Variants in KREMEN1 observed in about 807,000 individuals in gnomAD.
KREMEN1 encodes the protein kringle containing transmembrane protein 1, also known as kremen protein 1.
A neutral mutation model predicts 46.5 loss-of-function variants in KREMEN1; 30 were observed. The observed-to-expected ratio is 0.65, with a 90% confidence interval of 0.48 to 0.88. The LOEUF (loss-of-function observed/expected upper bound fraction) is 0.88, where lower values mean the gene tolerates loss of function less well. KREMEN1 is among the 40% of genes least tolerant of loss of function. The probability of loss-of-function intolerance (pLI) is 0.00; values close to 1 mark genes in which losing one functional copy is unlikely to be tolerated. For missense variants in KREMEN1, 533 were observed against 596.9 expected, an observed-to-expected ratio of 0.89 and a Z score of 1.11; for synonymous variants, 214 against 230.6, an observed-to-expected ratio of 0.93 and a Z score of 0.65.
At chr22:29,125,168 C>A in intron 4 of KREMEN1, 95 bp from the exon 5 acceptor site, 1 of 1,434,900 alleles carries the variant, frequency 7.0e-7, no homozygotes, top group Admixed American at 1.8e-5. Flanking sequence ...GAAGTTGAGG[C>A]TGATTGCTTG....
Position 29,138,696 on chromosome 22 carries a change from C to T in KREMEN1, c.1037C>T (p.Ala346Val), listed in dbSNP as rs559991004. 1 of 1,614,204 alleles carries T rather than the reference C, an allele frequency of 6.2e-7. No individual in the cohort carries two copies. The highest frequency in any genetic ancestry group is 2.2e-5 in the East Asian group (1 of 44,864). The stretch of plus-strand genomic sequence containing the variant: ...GTGGCCGAGGTGATCACGGAGCAGG[C>T]CAACCTCAGTGTCAGCGCTGCCCGG... ...QTVAEVITEQ[A>V]NLSVSAARSS... is the part of the protein sequence containing the mutation. Residue 346 changes from alanine to valine, a missense_variant, in exon 7 of 9, where the codon GCC becomes GTC. Coordinates refer to ENST00000400335, the MANE Select transcript of KREMEN1 (RefSeq NM_001039570.3).
At chr22:29,159,956 G>T (rs1383809854) in intron 9 of KREMEN1, among the ~76,000 whole-genome samples, 1 of 152,116 alleles carries the variant, frequency 6.6e-6, no homozygotes, top group Non-Finnish European at 1.5e-5. Context: ...AATAGTGGAG[G>T]ACTTCAACAC....
chr22:29,125,212 A>C, intron 4 of KREMEN1, 51 bp from the exon 5 acceptor site: 1 of 1,597,942 alleles, frequency 6.3e-7, no homozygotes, highest in Non-Finnish European at 8.6e-7. Flanking sequence ...CCTTCAGGCC[A>C]TCTGACATCC....
At chr22:29,132,585 A>T (rs1242457782) in intron 5 of KREMEN1, among the ~76,000 whole-genome samples, 1 of 152,202 alleles carries the variant, frequency 6.6e-6, no homozygotes, top group Non-Finnish European at 1.5e-5. Flanking sequence ...GTAGGTATGT[A>T]GTAGTATCTC....
chr22:29,112,954 A>G (rs2038175629), intron 3 of KREMEN1, among the ~76,000 whole-genome samples: 1 of 146,604 alleles, frequency 6.8e-6, no homozygotes, highest in Admixed American at 6.9e-5. Flanking sequence ...AGTCAGAGGC[A>G]GTGGCCCCCT....
chr22:29,165,983 C>A (rs1250139589), intron 9 of KREMEN1, among the ~76,000 whole-genome samples: 1 of 152,208 alleles, frequency 6.6e-6, no homozygotes, highest in African/African-American at 2.4e-5. Context: ...CAGAATGGGT[C>A]AGGTTCCAGG....
intron 5 of KREMEN1, among the ~76,000 whole-genome samples, chr22:29,128,652 A>G (rs1021647412): frequency 6.6e-6 from 1 of 152,234 alleles, no homozygotes; most frequent in Non-Finnish European, 1.5e-5. Flanking sequence ...TGAATTAATT[A>G]TAACAACAAT....
chr22:29,146,476 C>A lies in KREMEN1; in HGVS notation c.*4364C>A. 1 of 985,554 alleles carries A rather than the reference C, an allele frequency of 1.0e-6. No individual in the cohort carries two copies. Among genetic ancestry groups the A allele is most frequent in the Non-Finnish European group, 1.2e-6 (1 of 829,940 alleles). 61.1% of individuals were successfully genotyped at this position (985,554 alleles called of 1,614,324 possible). On this transcript the variant is annotated 3_prime_UTR_variant, in exon 9 of 9. Transcript: ENST00000400335. ...GCTTCAGAAAGGAAGGGTCTTTAGA[C>A]ACAAAGACTGGAGGCCCTTCCCCGC...
downstream of KREMEN1, among the ~76,000 whole-genome samples, chr22:29,147,714 G>A (rs867930812): frequency 6.6e-6 from 1 of 152,204 alleles, no homozygotes; most frequent in African/African-American, 2.4e-5. Context: ...GACTCTACAG[G>A]CCCAGCCAGG....
At position 29,089,407 on chromosome 22, in the gene KREMEN1, T is replaced by C. The variant is rs548910263; in HGVS notation, c.98-4851T>C. ...AACCCCCAGCAAATACTTTTGCCACTACCTTCAAAATATATCTGGAATCGG... is the reference window on the plus strand; with the variant it reads ...AACCCCCAGCAAATACTTTTGCCACCACCTTCAAAATATATCTGGAATCGG... On this transcript the variant is annotated intron_variant, in intron 1 of 8. Coordinates refer to ENST00000400335, the MANE Select transcript of KREMEN1 (RefSeq NM_001039570.3). Among the ~76,000 whole-genome samples the C allele has an allele frequency of 2.0e-5, 3 of 152,114 alleles. No homozygotes were observed. The South Asian group carries it at 6.2e-4, about 32-fold the overall frequency.
At chr22:29,119,921 A>T (rs1449106624) in intron 3 of KREMEN1, among the ~76,000 whole-genome samples, 1 of 152,220 alleles carries the variant, frequency 6.6e-6, no homozygotes, top group Non-Finnish European at 1.5e-5. Flanking sequence ...TCCAGGTGAG[A>T]CCAATGTAAT....
intron 3 of KREMEN1, among the ~76,000 whole-genome samples, chr22:29,118,056 A>G (rs2038273048): frequency 6.6e-6 from 1 of 152,228 alleles, no homozygotes; most frequent in African/African-American, 2.4e-5. Flanking sequence ...TGAAGGCTCA[A>G]CTGAGGAAAG....
chr22:29,094,363 A>G lies in KREMEN1; in HGVS notation c.203A>G (p.Tyr68Cys). The G allele has an allele frequency of 6.2e-7, 1 of 1,614,054 alleles. No individual in the cohort carries two copies. The highest frequency in any genetic ancestry group is 8.5e-7 in the Non-Finnish European group (1 of 1,179,996). ...LFWNETFQHP[Y>C]NTLKYPNGEG... Reference sequence around the variant, plus strand: ...TGGAACGAGACTTTCCAGCATCCATACAACACTCTGAAATACCCCAACGGG... The same window carrying G: ...TGGAACGAGACTTTCCAGCATCCATGCAACACTCTGAAATACCCCAACGGG... Residue 68 changes from tyrosine (Y) to cysteine (C), a missense_variant, in exon 2 of 9, where the codon TAC (tyrosine) becomes TGC (cysteine). By Grantham distance (194) the Tyr-to-Cys change is radical. Coordinates refer to ENST00000400335, the MANE Select transcript of KREMEN1 (RefSeq NM_001039570.3).
At chr22:29,128,502 T>C (rs2038481139) in intron 5 of KREMEN1, among the ~76,000 whole-genome samples, 1 of 152,194 alleles carries the variant, frequency 6.6e-6, no homozygotes, top group African/African-American at 2.4e-5. Context: ...ATAGTGCCTT[T>C]ACTGGAGGTG....
chr22:29,104,217 G>A (rs2038016103), intron 3 of KREMEN1, among the ~76,000 whole-genome samples: 1 of 150,636 alleles, frequency 6.6e-6, no homozygotes, highest in Admixed American at 6.6e-5. Flanking sequence ...GAGTGCAGTG[G>A]CGAAATTTTG....
intron 3 of KREMEN1, among the ~76,000 whole-genome samples, chr22:29,111,025 C>A (rs2038138412): frequency 6.6e-6 from 1 of 152,124 alleles, no homozygotes; most frequent in Non-Finnish European, 1.5e-5. Flanking sequence ...AGTATTGACA[C>A]AGAGTTAAAT....
downstream of KREMEN1, among the ~76,000 whole-genome samples, chr22:29,147,487 G>C (rs1374932488): frequency 6.6e-6 from 1 of 152,222 alleles, no homozygotes; most frequent in Non-Finnish European, 1.5e-5. Context: ...AGAGGCTGTG[G>C]GGGACAGTAG....
intron 1 of KREMEN1, among the ~76,000 whole-genome samples, chr22:29,074,349 G>C (rs2037532098): frequency 6.6e-6 from 1 of 152,254 alleles, no homozygotes; most frequent in African/African-American, 2.4e-5. Flanking sequence ...TGCTCTTCCT[G>C]AGGGTGCAAC....
At chr22:29,125,208 G>A (rs1387728485) in intron 4 of KREMEN1, 55 bp from the exon 5 acceptor site, 2 of 1,595,130 alleles carry the variant, frequency 1.3e-6, no homozygotes, top group Non-Finnish European at 1.7e-6. Context: ...GGCTCCTTCA[G>A]GCCATCTGAC....
Sources: gnomAD v4.1 joint callset for allele counts (sites outside exome capture counted in the v4.1 genomes callset) on GRCh38, gnomAD v4.1.1 for gene constraint, MANE v1.5 for transcripts, NCBI Gene and HGNC (gene_info 2026-07-23, HGNC 2026-07-21) for gene names.